CACNA2D3: variants seen among roughly 807,000 people sequenced by gnomAD.
The protein encoded by CACNA2D3 is calcium voltage-gated channel auxiliary subunit alpha2delta 3.
CACNA2D3 carries 60 observed loss-of-function variants against 160.6 expected under a neutral mutation model. The ratio of observed to expected loss-of-function variants is 0.37; its 90% confidence interval spans 0.30 to 0.46. The LOEUF is 0.46. CACNA2D3 is among the 20% of genes least tolerant of loss of function. The pLI is 1.00. For synonymous variants in CACNA2D3, 558 were observed against 492.9 expected (o/e 1.13, Z -1.75); for missense variants, 1,205 against 1,365.0 (o/e 0.88, Z 1.85).
intron 4 of CACNA2D3, among the ~76,000 whole-genome samples, chr3:54,404,692 T>C (rs888338093): frequency 1.3e-5 from 2 of 152,050 alleles, no homozygotes; most frequent in African/African-American, 4.8e-5. Flanking sequence ...AGTAAAATTA[T>C]CACGAATTAC....
intron 27 of CACNA2D3, among the ~76,000 whole-genome samples, chr3:54,948,326 A>G (rs1382450579): frequency 6.6e-6 from 1 of 152,214 alleles, no homozygotes; most frequent in African/African-American, 2.4e-5. Flanking sequence ...ACCTGACCTC[A>G]GTAAAAACTG....
intron 11 of CACNA2D3, among the ~76,000 whole-genome samples, chr3:54,682,709 C>T (rs570612448): frequency 1.6e-4 from 24 of 152,282 alleles, no homozygotes; most frequent in Non-Finnish European, 2.9e-4. Context: ...TAAATATACT[C>T]TATTTTATAA....
intron 8 of CACNA2D3, 110 bp downstream of exon 8, chr3:54,570,214 C>CA: frequency 8.9e-7 from 1 of 1,117,526 alleles, no homozygotes; most frequent in Non-Finnish European, 1.3e-6. Flanking sequence ...GATGCCAGAA[C>CA]ATGAGGCCTG....
Position 54,627,780 on chromosome 3 carries a change from G to C in CACNA2D3, c.964-7G>C, listed in dbSNP as rs765148981. On this transcript the variant is annotated splice_polypyrimidine_tract_variant and splice_region_variant and intron_variant, in intron 9 of 37. Transcript: ENST00000474759. The stretch of plus-strand genomic sequence containing the variant: ...ACACTAATGGATTTTCTGCTTTGCT[G>C]TTTCAGCACTTCAGGGAGCATCTGG... 6 of 1,601,432 alleles carry C rather than the reference G, an allele frequency of 3.7e-6. No homozygotes were observed. In the South Asian group the frequency reaches 6.8e-5, roughly 18 times the overall value.
chr3:54,122,754 C>G lies in CACNA2D3; in HGVS notation c.41C>G (p.Ala14Gly). The change falls in exon 1 of 38, where the codon GCC becomes GGC. Residue 14 changes from alanine (A) to glycine (G), a missense_variant. Coordinates refer to ENST00000474759, the MANE Select transcript of CACNA2D3 (RefSeq NM_018398.3). The stretch of plus-strand genomic sequence containing the variant: ...TCGCCGCGCCGCGCGTCCCGGGGGG[C>G]CTCGGCGCTTCTCGCTGCCGCGCTT... The part of the protein sequence containing the change: ...PGSPRRASRG[A>G]SALLAAALLY... The G allele has an allele frequency of 8.2e-7, 1 of 1,221,734 alleles. No individual in the cohort carries two copies. The allele number at this position is 1,221,734 out of a possible 1,614,324, so 75.7% of individuals were successfully genotyped here.
intron 5 of CACNA2D3, among the ~76,000 whole-genome samples, chr3:54,509,592 A>G (rs905969283): frequency 1.3e-5 from 2 of 152,172 alleles, no homozygotes; most frequent in Non-Finnish European, 2.9e-5. Context: ...ACCTCCTCGC[A>G]CATGGTCTGT....
intron 27 of CACNA2D3, among the ~76,000 whole-genome samples, chr3:54,917,892 C>A (rs943764845): frequency 1.1e-4 from 17 of 152,186 alleles, no homozygotes; most frequent in Non-Finnish European, 2.9e-5. Flanking sequence ...TAGACTTTGA[C>A]TCTTGTGGCA....
chr3:54,920,004 C>T (rs571682660), intron 27 of CACNA2D3, among the ~76,000 whole-genome samples: 9 of 152,314 alleles, frequency 5.9e-5, no homozygotes, highest in Admixed American at 5.9e-4. Flanking sequence ...TTTGATTGGA[C>T]AGAACTGCCC....
intron 11 of CACNA2D3, among the ~76,000 whole-genome samples, chr3:54,709,270 G>A (rs1452828598): frequency 2.6e-5 from 4 of 151,566 alleles, no homozygotes; most frequent in African/African-American, 9.7e-5. Context: ...CTGCCTTGGC[G>A]TCCCAAAGTG....
At position 54,887,984 on chromosome 3, in the gene CACNA2D3, C is replaced by T. The variant is rs776165355; in HGVS notation, c.2082C>T (p.Val694=). The change falls in exon 24 of 38, where the codon GTC becomes GTT. Residue 694 remains valine (V), a synonymous_variant. Coordinates refer to ENST00000474759, the MANE Select transcript of CACNA2D3 (RefSeq NM_018398.3). ...LQCDKELIQE[V]LFDAVVSAPI... ...GTGATAAAGAATTGATCCAAGAAGT[C>T]CTTTTTGACGCGGTGGTGAGTGCCC... The T allele has an allele frequency of 6.2e-7, 1 of 1,613,952 alleles. No individual in the cohort carries two copies. Among genetic ancestry groups the T allele is most frequent in the Non-Finnish European group, 8.5e-7 (1 of 1,179,854 alleles).
intron 2 of CACNA2D3, among the ~76,000 whole-genome samples, chr3:54,303,368 G>T (rs1323235484): frequency 6.6e-6 from 1 of 152,134 alleles, no homozygotes; most frequent in Non-Finnish European, 1.5e-5. Context: ...TCTTCTAATT[G>T]TATTTAATTT....
chr3:54,364,923 T>G (rs961577344), intron 3 of CACNA2D3, among the ~76,000 whole-genome samples: 2 of 152,232 alleles, frequency 1.3e-5, no homozygotes, highest in Non-Finnish European at 2.9e-5. Context: ...GAAACTCAGA[T>G]TTCTTAGTAT....
At chr3:54,764,049 A>G (rs780845723) in intron 12 of CACNA2D3, among the ~76,000 whole-genome samples, 169 bp from the exon 13 acceptor site, 32 of 151,430 alleles carry the variant, frequency 2.1e-4, no homozygotes, top group Non-Finnish European at 3.8e-4. Context: ...AAAGTGGGTG[A>G]TCGGGGAGAG....
chr3:54,158,430 A>G (rs1379754074), intron 2 of CACNA2D3, among the ~76,000 whole-genome samples: 2 of 152,142 alleles, frequency 1.3e-5, no homozygotes, highest in Non-Finnish European at 2.9e-5. Flanking sequence ...TAAGAACAGT[A>G]TGAGGTGGGC....
intron 31 of CACNA2D3, among the ~76,000 whole-genome samples, chr3:54,993,454 TTG>T (rs1702785509): frequency 6.6e-6 from 1 of 152,144 alleles, no homozygotes; most frequent in African/African-American, 2.4e-5. Context: ...GAAGTGCCAT[TTG>T]TTACATGAGA....
intron 14 of CACNA2D3, among the ~76,000 whole-genome samples, chr3:54,833,071 A>G (rs957044940): frequency 2.0e-5 from 3 of 152,212 alleles, no homozygotes; most frequent in African/African-American, 7.2e-5. Context: ...ATGAGCCTAC[A>G]TGCATGATTA....
chr3:54,932,319 G>A (rs969660424), intron 27 of CACNA2D3, among the ~76,000 whole-genome samples: 1 of 152,152 alleles, frequency 6.6e-6, no homozygotes, highest in Non-Finnish European at 1.5e-5. Context: ...ATTCAAAAAA[G>A]TGTTAGAGAT....
chr3:54,627,224 A>C (rs1699140458), intron 9 of CACNA2D3, among the ~76,000 whole-genome samples: 1 of 152,220 alleles, frequency 6.6e-6, no homozygotes, highest in Non-Finnish European at 1.5e-5. Flanking sequence ...TTAATTATGC[A>C]GTGCTCAGTG....
intron 11 of CACNA2D3, among the ~76,000 whole-genome samples, chr3:54,742,048 G>T (rs372671779): frequency 1.3e-5 from 2 of 151,938 alleles, no homozygotes; most frequent in African/African-American, 2.4e-5. Flanking sequence ...TATATTTTTC[G>T]TAGAGATGAG....
Sources: allele counts gnomAD v4.1 joint callset (sites outside exome capture counted in the v4.1 genomes callset), GRCh38; gene constraint gnomAD v4.1.1; transcripts MANE v1.5; gene names NCBI Gene and HGNC (gene_info 2026-07-23, HGNC 2026-07-21).